Variants in SEL1L observed in about 807,000 individuals in gnomAD.
SEL1L encodes the protein protein sel-1 homolog 1.
SEL1L carries 52 observed loss-of-function variants against 109.8 expected under a neutral mutation model. That is an observed-to-expected ratio of 0.47 (90% CI 0.38 to 0.60). The LOEUF is 0.60. Ranked by LOEUF, SEL1L falls within the 20% of genes least tolerant of loss-of-function variation. The pLI, the probability that SEL1L is intolerant of heterozygous loss-of-function variation, is 0.00. For synonymous variants in SEL1L, 373 were observed against 339.6 expected (o/e 1.10, Z -1.08); for missense variants, 749 against 962.2 (o/e 0.78, Z 2.93).
chr14:81,520,334 T>C (rs1046357733), intron 3 of SEL1L, among the ~76,000 whole-genome samples: 2 of 152,218 alleles, frequency 1.3e-5, no homozygotes, highest in African/African-American at 4.8e-5. Flanking sequence ...AAACACTGTA[T>C]TATTACAAGT....
chr14:81,498,521 C>G lies in SEL1L; in HGVS notation c.892-27G>C, dbSNP rs375406022. 4 of 1,548,316 alleles carry G rather than the reference C, an allele frequency of 2.6e-6. No individual in the cohort carries two copies. The South Asian group carries it at 4.5e-5, about 18-fold the overall frequency. On this transcript the variant is annotated intron_variant, in intron 8 of 20. Transcript: ENST00000336735. ...TGTAAAACAACTTCACGTGAGGAGG[C>G]AGCAGTTTCATGTACTTCAGTGTCA...
At chr14:81,516,193 GC>G (rs951865804) in intron 3 of SEL1L, among the ~76,000 whole-genome samples, 3 of 152,204 alleles carry the variant, frequency 2.0e-5, no homozygotes, top group Non-Finnish European at 2.9e-5. Flanking sequence ...CCAAGCGCCA[GC>G]TCACGTCATC....
At chr14:81,532,323 T>C (rs190303728) in intron 1 of SEL1L, among the ~76,000 whole-genome samples, 155 of 152,314 alleles carry the variant, frequency 1.0e-3, no homozygotes, top group African/African-American at 3.6e-3. Context: ...TAAAACCCAA[T>C]GTTTAACAAA....
intron 14 of SEL1L, 22 bp from the exon 15 acceptor site, chr14:81,487,964 G>C: frequency 6.3e-7 from 1 of 1,577,188 alleles, no homozygotes; most frequent in Non-Finnish European, 8.7e-7. Flanking sequence ...GATGTCATAT[G>C]ATGAGAAAGC....
At position 81,474,272 on chromosome 14, in the gene SEL1L, A is replaced by G. The variant is rs1452176066; in HGVS notation, c.*2700T>C. On this transcript the variant is annotated 3_prime_UTR_variant, in exon 21 of 21. Coordinates refer to ENST00000336735, the MANE Select transcript of SEL1L (RefSeq NM_005065.6). ...AAAAAAAAAAAAACCCACCAATGCT[A>G]CCTCTGTAAAATAAAACTAGAAGCA... 1 of 151,048 alleles carries G rather than the reference A, an allele frequency of 6.6e-6. No individual in the cohort carries two copies. Among genetic ancestry groups the G allele is most frequent in the African/African-American group, 2.4e-5 (1 of 41,184 alleles). The allele number at this position is 151,048 out of a possible 1,614,324, so 9.4% of individuals were successfully genotyped here. A position where few individuals can be genotyped will look rare whatever the true frequency, so the allele number is the denominator to read the frequency against.
chr14:81,477,581 G>A (rs1460866051), intron 20 of SEL1L, among the ~76,000 whole-genome samples: 1 of 152,218 alleles, frequency 6.6e-6, no homozygotes, highest in East Asian at 1.9e-4. Flanking sequence ...GGGAGGCCGA[G>A]GTGAGTGTAT....
At chr14:81,513,867 G>A (rs562707177) in intron 3 of SEL1L, among the ~76,000 whole-genome samples, 22 of 152,264 alleles carry the variant, frequency 1.4e-4, no homozygotes, top group East Asian at 1.4e-3. Flanking sequence ...ATTCAGCTCC[G>A]GGGTCCCGAC....
At chr14:81,498,299 T>C in intron 9 of SEL1L, 114 bp downstream of exon 9, 1 of 891,474 alleles carries the variant, frequency 1.1e-6, no homozygotes, top group South Asian at 1.8e-5. Context: ...TAAAGATGAG[T>C]CCACATAAAA....
rs756594983 is a variant in SEL1L at position 81,477,090 on chromosome 14, C to T, written c.2267G>A (p.Gly756Glu). Residue 756 changes from glycine (G) to glutamate (E), a missense_variant, in exon 21 of 21, where the codon GGA becomes GAA. Physicochemically the swap from Gly to Glu is moderately conservative, Grantham distance 98. Coordinates refer to ENST00000336735, the MANE Select transcript of SEL1L (RefSeq NM_005065.6). ...CCTTTGCCTGTAAGCTATGACTGTT[C>T]CCAACAGCAGCGCAATGATGGTCAT... ...YLMTIIALLLGTVIAYRQRQH... is the reference protein window; with the variant it reads ...YLMTIIALLLETVIAYRQRQH... 8 of 1,614,032 alleles carry T rather than the reference C, an allele frequency of 5.0e-6. No homozygotes were observed. The highest frequency in any genetic ancestry group is 6.8e-6 in the Non-Finnish European group (8 of 1,180,040).
At chr14:81,495,832 T>C (rs971291327) in intron 10 of SEL1L, among the ~76,000 whole-genome samples, 5 of 148,498 alleles carry the variant, frequency 3.4e-5, no homozygotes, top group Non-Finnish European at 7.4e-5. Flanking sequence ...AAATACTTGG[T>C]AGGTGAGGCA....
At chr14:81,487,677 C>G (rs998298087) in intron 15 of SEL1L, 139 bp from the exon 16 acceptor site, 11 of 1,507,476 alleles carry the variant, frequency 7.3e-6, no homozygotes, top group African/African-American at 1.4e-5. Flanking sequence ...CAAGCTAACA[C>G]ACTGATACAG....
At chr14:81,527,043 C>T in intron 2 of SEL1L, 79 bp from the exon 3 acceptor site, 2 of 975,628 alleles carry the variant, frequency 2.0e-6, no homozygotes, top group Non-Finnish European at 3.2e-6. Context: ...TTTTACTAAT[C>T]CAGATATCAC....
At chr14:81,496,723 G>A (rs1222178174) in intron 10 of SEL1L, among the ~76,000 whole-genome samples, 1 of 151,964 alleles carries the variant, frequency 6.6e-6, no homozygotes, top group Non-Finnish European at 1.5e-5. Context: ...GCAAGGATCT[G>A]TCTCAAAAAA....
rs754172890 is a variant in SEL1L at position 81,498,028 on chromosome 14, A to G, written c.992T>C (p.Leu331Pro). ...VANHVASDIS[L>P]TGGSVVQRIR... Reference sequence around the variant, plus strand: ...TCTCTGTACTACTGAGCCTCCTGTTAGCGAGATATCACTAGCAACTGAAAT... The same window carrying G: ...TCTCTGTACTACTGAGCCTCCTGTTGGCGAGATATCACTAGCAACTGAAAT... The change falls in exon 10 of 21, where the codon CTA (leucine) becomes CCA (proline). Residue 331 changes from leucine to proline, a missense_variant. Transcript: ENST00000336735. 2.0e-5 allele frequency: 32 copies of G among 1,612,808 alleles called. No homozygotes were observed. Among genetic ancestry groups the G allele is most frequent in the Non-Finnish European group, 2.5e-5 (29 of 1,179,610 alleles).
rs1242867062 is a variant in SEL1L, at chr14:81,499,139, A to G, written c.891+320T>C. The G allele has an allele frequency of 3.8e-6, 4 of 1,046,512 alleles. No homozygotes were observed. The African/African-American group carries it at 6.7e-5, about 17-fold the overall frequency. 64.8% of individuals were successfully genotyped at this position (1,046,512 alleles called of 1,614,324 possible). Reference sequence around the variant, plus strand: ...AAACTAAAGAAAAATTTTTAAAATTATGATAATCTAATGTAAAAAATGATT... The same window carrying G: ...AAACTAAAGAAAAATTTTTAAAATTGTGATAATCTAATGTAAAAAATGATT... On this transcript the variant is annotated intron_variant, in intron 8 of 20. Transcript: ENST00000336735.
intron 20 of SEL1L, among the ~76,000 whole-genome samples, chr14:81,478,463 A>G (rs979090311): frequency 6.6e-6 from 1 of 152,230 alleles, no homozygotes; most frequent in African/African-American, 2.4e-5. Flanking sequence ...AGTACAGCAT[A>G]TTATAAGATG....
At chr14:81,529,379 A>T (rs1455315636) in intron 1 of SEL1L, among the ~76,000 whole-genome samples, 1 of 152,210 alleles carries the variant, frequency 6.6e-6, no homozygotes, top group African/African-American at 2.4e-5. Context: ...ATGTTTAAAC[A>T]TATATGAAAT....
chr14:81,490,246 A>G, intron 13 of SEL1L, 142 bp downstream of exon 13: 1 of 601,192 alleles, frequency 1.7e-6, no homozygotes, highest in East Asian at 3.3e-5. Flanking sequence ...TAATTAATAC[A>G]TTCACATGAA....
chr14:81,520,973 G>A (rs931591537), intron 3 of SEL1L, among the ~76,000 whole-genome samples: 3 of 152,100 alleles, frequency 2.0e-5, no homozygotes, highest in African/African-American at 7.2e-5. Flanking sequence ...GGAAAGAAAC[G>A]ACCCGAGAGC....
Sources: gnomAD v4.1 joint callset for allele counts (sites outside exome capture counted in the v4.1 genomes callset) on GRCh38, gnomAD v4.1.1 for gene constraint, MANE v1.5 for transcripts, NCBI Gene and HGNC (gene_info 2026-07-23, HGNC 2026-07-21) for gene names.